SSPN: variants seen among roughly 807,000 people sequenced by gnomAD.
SSPN encodes sarcospan.
A neutral mutation model predicts 19.1 loss-of-function variants in SSPN; 15 were observed. The ratio of observed to expected loss-of-function variants is 0.78; its 90% CI spans 0.52 to 1.21. The LOEUF is 1.21. Among genes scored for constraint, SSPN ranks in the 50% most tolerant of loss-of-function variants. The pLI is 0.00. For missense variants in SSPN, 291 were observed against 314.0 expected (o/e 0.93, Z 0.55); for synonymous variants, 147 against 140.3 (o/e 1.05, Z -0.34).
chr12:26,169,861 T>C (rs1198317891), intron 1 of SSPN, among the ~76,000 whole-genome samples: 1 of 152,218 alleles, frequency 6.6e-6, no homozygotes, highest in Non-Finnish European at 1.5e-5. Context: ...GATATTGGAC[T>C]CATGCCTTCC....
chr12:26,191,551 A>C (rs528450962), upstream of SSPN, among the ~76,000 whole-genome samples: 3 of 152,208 alleles, frequency 2.0e-5, no homozygotes, highest in African/African-American at 7.2e-5. Flanking sequence ...GAAAATACAA[A>C]CTTGCAAGCA....
intron 1 of SSPN, among the ~76,000 whole-genome samples, chr12:26,156,641 C>G (rs2137420322): frequency 6.6e-6 from 1 of 152,266 alleles, no homozygotes; most frequent in South Asian, 2.1e-4. Context: ...CTGACAATGA[C>G]AAGAAAGATT....
rs561543209 is a variant in SSPN, at chr12:26,167,582, A to G, written c.-31+45430A>G. Among the ~76,000 whole-genome samples the G allele has an allele frequency of 2.0e-5, 3 of 152,342 alleles. No homozygotes were observed. The South Asian group carries it at 6.2e-4, about 32-fold the overall frequency. ...CCACCAACCCAGGGAGCCAGCAGGC[A>G]TGAAAAACTTTCCCTCCATTGAATA... is the stretch of plus-strand genomic sequence containing the variant. On this transcript the variant is annotated intron_variant, in intron 1 of 2. Transcript: ENST00000538142.
intron 1 of SSPN, among the ~76,000 whole-genome samples, chr12:26,147,025 C>T (rs772733154): frequency 7.9e-5 from 12 of 151,980 alleles, no homozygotes; most frequent in East Asian, 1.9e-4. Flanking sequence ...AACAAGGATT[C>T]GGGTGCCTGA....
Position 26,232,133 on chromosome 12 carries a change from A to G in SSPN, c.*1057A>G, listed in dbSNP as rs903752340. The G allele has an allele frequency of 1.0e-6, 1 of 985,484 alleles. No individual in the cohort carries two copies. Among genetic ancestry groups the G allele is most frequent in the African/African-American group, 1.7e-5 (1 of 57,380 alleles). 61.0% of individuals were successfully genotyped at this position (985,484 alleles called of 1,614,324 possible). ...ATGTTGAAAAGCATCTCTCTTGGCA[A>G]CCAATCTATGTTTGAGGAAGATTGG... On this transcript the variant is annotated 3_prime_UTR_variant, in exon 3 of 3. Transcript: ENST00000242729.
chr12:26,207,907 G>A lies in SSPN; in HGVS notation c.279+11956G>A, dbSNP rs1944944982. 3.3e-5 allele frequency among the ~76,000 whole-genome samples: 5 copies of A among 152,056 alleles called. No individual in the cohort carries two copies. The South Asian group carries it at 1.0e-3, about 32-fold the overall frequency. On this transcript the variant is annotated intron_variant, in intron 1 of 2. Coordinates refer to ENST00000242729, the MANE Select transcript of SSPN (RefSeq NM_005086.5). Reference sequence around the variant, plus strand: ...TCCAGCTACTCAGGAGGCTGAGGTGGGAGGATCATTTGAACCTGGGAGGTT... The same window carrying A: ...TCCAGCTACTCAGGAGGCTGAGGTGAGAGGATCATTTGAACCTGGGAGGTT...
Position 26,230,898 on chromosome 12 carries a change from C to T in SSPN, c.554C>T (p.Thr185Ile). The change falls in exon 3 of 3, where the codon ACC becomes ATC. Residue 185 changes from threonine to isoleucine, a missense_variant. Thr to Ile is a moderately conservative substitution (Grantham distance 89). Around this residue, in one of 3 missense-constraint regions of SSPN, gnomAD observed 141 missense variants for 166.7 expected, o/e 0.85. Transcript: ENST00000242729. ...GTTTACCGGGATGTGACGGACTGTA[C>T]CAGCGTCACTGGCACTTTCAAACTG... is the stretch of plus-strand genomic sequence containing the variant. ...TFVYRDVTDC[T>I]SVTGTFKLFL... 6.2e-7 allele frequency: 1 copy of T among 1,614,158 alleles called. No individual in the cohort carries two copies. The highest frequency in any genetic ancestry group is 1.1e-5 in the South Asian group (1 of 91,080).
chr12:26,219,459 A>C (rs1328575815), intron 1 of SSPN, among the ~76,000 whole-genome samples: 1 of 137,064 alleles, frequency 7.3e-6, no homozygotes, highest in African/African-American at 2.8e-5. Flanking sequence ...ATGTGTGACA[A>C]GACTCAGGAC....
intron 1 of SSPN, chr12:26,122,533 C>T: frequency 7.9e-7 from 1 of 1,269,094 alleles, no homozygotes; most frequent in Non-Finnish European, 1.0e-6. Flanking sequence ...CCGCCGAACG[C>T]CACCAGCGAG....
chr12:26,231,828 TATC>T lies in SSPN; in HGVS notation c.*756_*758del, dbSNP rs1945236674. 1.8e-6 allele frequency: 1 copy of T among 560,074 alleles called. No homozygotes were observed. Among genetic ancestry groups the T allele is most frequent in the African/African-American group, 2.0e-5 (1 of 49,006 alleles). 34.7% of individuals were successfully genotyped at this position (560,074 alleles called of 1,614,324 possible). On this transcript the variant is annotated 3_prime_UTR_variant, in exon 3 of 3. Transcript: ENST00000242729. ...AAATAATTACATTATGCTTCTATTCTATCATCTAAAACAAATCATTAAAACTAA... is the reference window on the plus strand; with the variant it reads ...AAATAATTACATTATGCTTCTATTCTATCTAAAACAAATCATTAAAACTAA...
intron 1 of SSPN, among the ~76,000 whole-genome samples, chr12:26,167,218 T>TA (rs1421519003): frequency 2.0e-5 from 3 of 152,228 alleles, no homozygotes; most frequent in African/African-American, 4.8e-5. Context: ...TGAGGTTTTT[T>TA]AAAAAAGCCT....
intron 1 of SSPN, chr12:26,122,683 TG>T: frequency 6.4e-7 from 1 of 1,551,954 alleles, no homozygotes. Flanking sequence ...TTCATCCTCT[TG>T]GGCGCCGGCG....
intron 1 of SSPN, among the ~76,000 whole-genome samples, chr12:26,217,229 T>C (rs1171445218): frequency 3.1e-5 from 4 of 128,926 alleles, no homozygotes; most frequent in Non-Finnish European, 6.5e-5. Context: ...CTTCCATTTG[T>C]TTGTATCCTC....
intron 1 of SSPN, among the ~76,000 whole-genome samples, chr12:26,188,687 CTATT>C (rs1196520938): frequency 1.3e-4 from 20 of 152,298 alleles, no homozygotes; most frequent in African/African-American, 4.3e-4. Context: ...CACACCATGA[CTATT>C]TAGGATTTAT....
Position 26,142,958 on chromosome 12 carries a change from C to T in SSPN, c.-31+20806C>T, listed in dbSNP as rs116846097. On this transcript the variant is annotated intron_variant, in intron 1 of 2. Transcript: ENST00000538142. ...TCAGTTGCTTTTCACTTTACTGTAC[C>T]TGTATTATGATGATTGTCACATTGT... Among the ~76,000 whole-genome samples, 139 of 152,278 alleles carry T rather than the reference C, an allele frequency of 9.1e-4. 3 individuals are homozygous for T. In the East Asian group the frequency reaches 0.024, roughly 26 times the overall value.
chr12:26,195,762 G>A lies in SSPN; in HGVS notation c.90G>A (p.Lys30=). 1.3e-6 allele frequency: 2 copies of A among 1,496,074 alleles called. No homozygotes were observed. The highest frequency in any genetic ancestry group is 1.5e-5 in the African/African-American group (1 of 68,874). 92.7% of individuals were successfully genotyped at this position (1,496,074 alleles called of 1,614,324 possible). The change falls in exon 1 of 3, where the codon AAG becomes AAA. Residue 30 remains lysine (K), a synonymous_variant. Coordinates refer to ENST00000242729, the MANE Select transcript of SSPN (RefSeq NM_005086.5). ...DAAGPDDMEP[K]KGTGAPKECG... ...CTGGGCCCGACGACATGGAGCCGAA[G>A]AAGGGCACGGGGGCCCCCAAGGAGT... is the stretch of plus-strand genomic sequence containing the variant.
At chr12:26,158,808 C>T (rs1258253781) in intron 1 of SSPN, among the ~76,000 whole-genome samples, 1 of 152,232 alleles carries the variant, frequency 6.6e-6, no homozygotes, top group Non-Finnish European at 1.5e-5. Context: ...TTGTGAGTCT[C>T]AGCTGAATGC....
At chr12:26,128,982 GA>G (rs2137395227) in intron 1 of SSPN, among the ~76,000 whole-genome samples, 1 of 152,252 alleles carries the variant, frequency 6.6e-6, no homozygotes, top group East Asian at 1.9e-4. Flanking sequence ...CAAAGTCTTG[GA>G]TTTCCAACAG....
At chr12:26,189,586 T>C (rs117924717) in intron 1 of SSPN, among the ~76,000 whole-genome samples, 2,458 of 152,272 alleles carry the variant, frequency 0.016, 32 homozygotes, top group Non-Finnish European at 0.025. Context: ...TCAAGTGTCT[T>C]CCATTAAATA....
Sources: gnomAD v4.1 joint callset for allele counts (sites outside exome capture counted in the v4.1 genomes callset) on GRCh38, gnomAD v4.1.1 for gene constraint, gnomAD v4.1.1 regional missense constraint, MANE v1.5 for transcripts, NCBI Gene and HGNC (gene_info 2026-07-23, HGNC 2026-07-21) for gene names.